GPC6: variants seen among roughly 807,000 people sequenced by gnomAD.
GPC6 encodes the protein glypican 6, also known as glypican-6.
In GPC6, 14 loss-of-function variants were observed where a neutral mutation model predicts 55.2. That is an observed-to-expected ratio of 0.25 (90% CI 0.17 to 0.40). The LOEUF is 0.40. Among genes scored for constraint, GPC6 ranks in the 10% least tolerant of loss-of-function variants. GPC6 has a pLI of 1.00. For missense variants in GPC6, 641 were observed against 708.5 expected (o/e 0.90, Z 1.08); for synonymous variants, 278 against 259.6 (o/e 1.07, Z -0.68).
chr13:94,253,627 G>T (rs1306156082), intron 4 of GPC6, among the ~76,000 whole-genome samples: 2 of 152,070 alleles, frequency 1.3e-5, no homozygotes, highest in African/African-American at 4.8e-5. Flanking sequence ...ACTGCTGAGT[G>T]GGTGTGTTTT....
At chr13:93,797,606 C>A (rs895151928) in intron 2 of GPC6, among the ~76,000 whole-genome samples, 1 of 152,128 alleles carries the variant, frequency 6.6e-6, no homozygotes, top group African/African-American at 2.4e-5. Flanking sequence ...CTTTTGTTCT[C>A]CCATTATTAC....
At chr13:94,084,420 T>C (rs1176615786) in intron 4 of GPC6, among the ~76,000 whole-genome samples, 1 of 152,230 alleles carries the variant, frequency 6.6e-6, no homozygotes, top group Non-Finnish European at 1.5e-5. Flanking sequence ...GGAAAACTTT[T>C]ACTTAGCCAT....
At chr13:94,312,991 C>T (rs552397158) in intron 6 of GPC6, among the ~76,000 whole-genome samples, 9 of 152,256 alleles carry the variant, frequency 5.9e-5, no homozygotes, top group East Asian at 5.8e-4. Flanking sequence ...CTATTTGCTG[C>T]GAAACCCCAC....
At chr13:93,552,775 A>G (rs922891736) in intron 2 of GPC6, among the ~76,000 whole-genome samples, 1 of 152,064 alleles carries the variant, frequency 6.6e-6, no homozygotes, top group Non-Finnish European at 1.5e-5. Flanking sequence ...CTCTGAAACC[A>G]GTTCTACCAG....
intron 5 of GPC6, among the ~76,000 whole-genome samples, chr13:94,296,744 G>A (rs1875354837): frequency 6.6e-6 from 1 of 152,112 alleles, no homozygotes; most frequent in South Asian, 2.1e-4. Context: ...TTACTCCCTC[G>A]TGCATATTTC....
At chr13:94,103,892 A>T (rs1417651653) in intron 4 of GPC6, among the ~76,000 whole-genome samples, 1 of 152,116 alleles carries the variant, frequency 6.6e-6, no homozygotes, top group Non-Finnish European at 1.5e-5. Context: ...GTTTAACTAG[A>T]TCCCATTTGT....
At chr13:93,292,608 G>A (rs1338699984) in intron 1 of GPC6, among the ~76,000 whole-genome samples, 2 of 152,112 alleles carry the variant, frequency 1.3e-5, no homozygotes, top group East Asian at 1.9e-4. Context: ...GAATAAATGG[G>A]TTGTGAAATT....
intron 2 of GPC6, among the ~76,000 whole-genome samples, chr13:93,710,870 G>A (rs753604206): frequency 8.6e-5 from 13 of 151,732 alleles, no homozygotes; most frequent in African/African-American, 2.9e-4. Context: ...TACTCTTGAA[G>A]GTAGGCAAAT....
At chr13:93,544,293 A>G (rs1458098601) in intron 1 of GPC6, among the ~76,000 whole-genome samples, 2 of 152,114 alleles carry the variant, frequency 1.3e-5, no homozygotes, top group African/African-American at 4.8e-5. Context: ...ACACAAGGTC[A>G]TAGGACATAC....
chr13:93,558,878 T>C (rs1875614033), intron 2 of GPC6, among the ~76,000 whole-genome samples: 1 of 152,176 alleles, frequency 6.6e-6, no homozygotes, highest in Non-Finnish European at 1.5e-5. Flanking sequence ...TTAGTGTGTG[T>C]GTTTGTATAA....
intron 1 of GPC6, among the ~76,000 whole-genome samples, chr13:93,348,149 A>G (rs1323638382): frequency 6.6e-6 from 1 of 152,206 alleles, no homozygotes; most frequent in Non-Finnish European, 1.5e-5. Flanking sequence ...TTTTGGGCCC[A>G]AGAAGGTGAA....
At chr13:94,313,041 T>C (rs1387429313) in intron 6 of GPC6, among the ~76,000 whole-genome samples, 1 of 152,020 alleles carries the variant, frequency 6.6e-6, no homozygotes, top group Non-Finnish European at 1.5e-5. Context: ...CCCTTGGTAA[T>C]AACAGCAGCA....
chr13:93,359,881 ATAAT>A (rs1880984777), intron 1 of GPC6, among the ~76,000 whole-genome samples: 1 of 152,200 alleles, frequency 6.6e-6, no homozygotes, highest in African/African-American at 2.4e-5. Flanking sequence ...AATAAACAAA[ATAAT>A]TAGGCAAAGA....
chr13:94,348,257 T>C (rs74103908), intron 6 of GPC6, among the ~76,000 whole-genome samples: 2,297 of 152,320 alleles, frequency 0.015, 54 homozygotes, highest in African/African-American at 0.052. Context: ...GTATATGGCA[T>C]TGACCTTTTG....
At chr13:93,565,301 A>G (rs1274504713) in intron 2 of GPC6, among the ~76,000 whole-genome samples, 3 of 152,138 alleles carry the variant, frequency 2.0e-5, no homozygotes, top group Admixed American at 6.5e-5. Context: ...TGTTGGCCCC[A>G]CTGCAATTGG....
At position 93,688,142 on chromosome 13, in the gene GPC6, A is replaced by G. The variant is rs74461687; in HGVS notation, c.320-142012A>G. Among the ~76,000 whole-genome samples, 1,214 of 152,164 alleles carry G rather than the reference A, an allele frequency of 8.0e-3. 24 individuals are homozygous for G. The highest frequency in any genetic ancestry group is 0.028 in the African/African-American group (1,160 of 41,540). On this transcript the variant is annotated intron_variant, in intron 2 of 8. Coordinates refer to ENST00000377047, the MANE Select transcript of GPC6 (RefSeq NM_005708.5). Reference sequence around the variant, plus strand: ...TGTCAACGTTTCAATTTATCAACCAATTGGGATTATGAGATAACTTTGTTT... The same window carrying G: ...TGTCAACGTTTCAATTTATCAACCAGTTGGGATTATGAGATAACTTTGTTT...
At chr13:94,301,760 G>T (rs1463655085) in intron 5 of GPC6, among the ~76,000 whole-genome samples, 1 of 152,176 alleles carries the variant, frequency 6.6e-6, no homozygotes, top group Non-Finnish European at 1.5e-5. Context: ...CTTGGTAAAT[G>T]CAATCAGTTT....
At chr13:94,266,160 T>TTTGTTTG (rs1555313270) in intron 4 of GPC6, among the ~76,000 whole-genome samples, 5 of 148,114 alleles carry the variant, frequency 3.4e-5, no homozygotes, top group Admixed American at 1.3e-4. Context: ...TCTTTTTTTT[T>TTTGTTTG]TTTGTTTGTT....
At chr13:94,049,142 A>C (rs1883841642) in intron 4 of GPC6, among the ~76,000 whole-genome samples, 1 of 151,864 alleles carries the variant, frequency 6.6e-6, no homozygotes, top group African/African-American at 2.4e-5. Context: ...AATCTCAGCT[A>C]CTTGGAGGCT....
Sources: gnomAD v4.1 joint callset for allele counts (sites outside exome capture counted in the v4.1 genomes callset) on GRCh38, gnomAD v4.1.1 for gene constraint, MANE v1.5 for transcripts, NCBI Gene and HGNC (gene_info 2026-07-23, HGNC 2026-07-21) for gene names.